PHF20: variants seen among roughly 807,000 people sequenced by gnomAD.
PHF20 encodes the protein glioma-expressed antigen 2.
Under a neutral mutation model 113.5 loss-of-function variants are expected in PHF20, and 23 were observed. That is an observed-to-expected ratio of 0.20 (90% CI 0.15 to 0.29). PHF20 has a LOEUF of 0.29. Ranked by LOEUF, PHF20 falls within the 10% of genes least tolerant of loss-of-function variation. The pLI is 1.00. For missense variants in PHF20, 943 were observed against 1,219.6 expected (o/e 0.77, Z 3.38); for synonymous variants, 434 against 457.3 (o/e 0.95, Z 0.65).
intron 1 of PHF20, among the ~76,000 whole-genome samples, chr20:35,778,507 T>TG (rs887054311): frequency 1.2e-4 from 18 of 152,134 alleles, no homozygotes; most frequent in Admixed American, 1.2e-3. Flanking sequence ...CCCAGCACTT[T>TG]GGGAGGCCAA....
At chr20:35,844,263 T>C (rs2146939886) in intron 3 of PHF20, among the ~76,000 whole-genome samples, 1 of 152,022 alleles carries the variant, frequency 6.6e-6, no homozygotes. Flanking sequence ...CCACCACACC[T>C]GGCTAATTTT....
At chr20:35,922,396 A>C (rs547698281) in intron 13 of PHF20, among the ~76,000 whole-genome samples, 1 of 152,332 alleles carries the variant, frequency 6.6e-6, no homozygotes, top group East Asian at 1.9e-4. Flanking sequence ...GACAGGAATA[A>C]ATTTTTCTTA....
chr20:35,922,515 TTA>T (rs1357076450), intron 13 of PHF20, among the ~76,000 whole-genome samples: 1 of 152,220 alleles, frequency 6.6e-6, no homozygotes, highest in Non-Finnish European at 1.5e-5. Flanking sequence ...ATCATTGTCA[TTA>T]TATGAGTAGT....
intron 5 of PHF20, among the ~76,000 whole-genome samples, chr20:35,859,323 G>A (rs377675126): frequency 6.6e-5 from 10 of 152,014 alleles, no homozygotes; most frequent in African/African-American, 1.7e-4. Context: ...TGTCTTTTTC[G>A]TGTTTATGTT....
intron 3 of PHF20, 67 bp downstream of exon 3, chr20:35,842,811 C>T: frequency 7.1e-7 from 1 of 1,409,098 alleles, no homozygotes; most frequent in Non-Finnish European, 9.9e-7. Context: ...GTGTTTCAAT[C>T]TTTGATGTTA....
chr20:35,790,100 G>A (rs1453712571), intron 1 of PHF20, among the ~76,000 whole-genome samples: 5 of 151,434 alleles, frequency 3.3e-5, no homozygotes, highest in African/African-American at 7.3e-5. Flanking sequence ...CAGGTGATCC[G>A]CCCGCCTCTG....
At chr20:35,845,780 CTTT>C (rs398061407) in intron 3 of PHF20, among the ~76,000 whole-genome samples, 12 of 135,238 alleles carry the variant, frequency 8.9e-5, no homozygotes, top group Non-Finnish European at 1.1e-4. Flanking sequence ...ATTTTTCTTT[CTTT>C]TTTTTTTTTT....
At chr20:35,850,623 GTC>G (rs2042712469) in intron 4 of PHF20, 2 of 49,718 alleles carry the variant, frequency 4.0e-5, no homozygotes, top group African/African-American at 2.4e-4. Flanking sequence ...TTGAGACGGA[GTC>G]TCTATGAGCT....
intron 12 of PHF20, among the ~76,000 whole-genome samples, chr20:35,914,785 G>A (rs1237967095): frequency 6.6e-6 from 1 of 151,754 alleles, no homozygotes; most frequent in Non-Finnish European, 1.5e-5. Context: ...CCAACATGGT[G>A]AAACCCATCT....
In PHF20 at chr20:35,880,980, A is replaced by T. The variant is rs188546800; in HGVS notation, c.1282+9151A>T. Among the ~76,000 whole-genome samples the T allele has an allele frequency of 6.3e-3, 945 of 149,390 alleles. 12 individuals carry two copies. The highest frequency in any genetic ancestry group is 0.022 in the African/African-American group (892 of 40,558). ...GTCTCAAAGAAAACAAAAATTAAAA[A>T]TTTTTTTTTAGAAAGTACTTTTTCT... On this transcript the variant is annotated intron_variant, in intron 9 of 17. Transcript: ENST00000374012.
At chr20:35,853,078 T>C (rs955560930) in intron 4 of PHF20, among the ~76,000 whole-genome samples, 4 of 150,346 alleles carry the variant, frequency 2.7e-5, no homozygotes, top group African/African-American at 9.8e-5. Flanking sequence ...AAAAAGTAGC[T>C]GGGCTTGGTG....
chr20:35,889,345 T>A (rs2054804551), intron 9 of PHF20, among the ~76,000 whole-genome samples: 2 of 151,754 alleles, frequency 1.3e-5, no homozygotes, highest in South Asian at 4.2e-4. Context: ...GCTCGTAATA[T>A]TTTGGGTTTT....
At chr20:35,909,134 C>G (rs1428091738) in intron 10 of PHF20, among the ~76,000 whole-genome samples, 1 of 152,020 alleles carries the variant, frequency 6.6e-6, no homozygotes, top group Non-Finnish European at 1.5e-5. Flanking sequence ...CAATTTCTTA[C>G]CATTAAGTAT....
At chr20:35,916,356 C>G (rs2055403202) in intron 12 of PHF20, among the ~76,000 whole-genome samples, 1 of 152,174 alleles carries the variant, frequency 6.6e-6, no homozygotes. Context: ...TCAGAACAAG[C>G]GCTTAGTAAA....
chr20:35,882,494 C>A (rs1380813316), intron 9 of PHF20, among the ~76,000 whole-genome samples: 4 of 152,234 alleles, frequency 2.6e-5, no homozygotes. Context: ...ATGGCATGAT[C>A]ATAGCTCACT....
intron 14 of PHF20, among the ~76,000 whole-genome samples, chr20:35,930,889 G>C (rs1482152079): frequency 6.6e-6 from 1 of 152,180 alleles, no homozygotes; most frequent in Non-Finnish European, 1.5e-5. Flanking sequence ...CAGTAAGCCA[G>C]AGTTAGAGAG....
Position 35,928,981 on chromosome 20 carries a change from G to A in PHF20, c.2104+1102G>A, listed in dbSNP as rs1020375557. ...AGAAGGGGTGGATTGTAAATATGCA[G>A]TTCATTGTCTTGGTTTCCATGGGAT... On this transcript the variant is annotated intron_variant, in intron 14 of 17. Coordinates refer to ENST00000374012, the MANE Select transcript of PHF20 (RefSeq NM_016436.5). 5.9e-5 allele frequency among the ~76,000 whole-genome samples: 9 copies of A among 152,306 alleles called. No individual in the cohort carries two copies. The South Asian group carries it at 1.9e-3, about 32-fold the overall frequency.
chr20:35,880,996 T>A (rs1421408983), intron 9 of PHF20, among the ~76,000 whole-genome samples: 1 of 151,106 alleles, frequency 6.6e-6, no homozygotes, highest in African/African-American at 2.4e-5. Context: ...TTTTAGAAAG[T>A]ACTTTTTCTG....
At chr20:35,904,392 C>T (rs930570426) in intron 10 of PHF20, among the ~76,000 whole-genome samples, 1 of 145,572 alleles carries the variant, frequency 6.9e-6, no homozygotes, top group Non-Finnish European at 1.5e-5. Flanking sequence ...TCAAGCAATT[C>T]TCCTGCCTCA....
Sources: gnomAD v4.1 joint callset for allele counts (sites outside exome capture counted in the v4.1 genomes callset) on GRCh38, gnomAD v4.1.1 for gene constraint, MANE v1.5 for transcripts, NCBI Gene and HGNC (gene_info 2026-07-23, HGNC 2026-07-21) for gene names.